Variants in HEXB observed in about 807,000 individuals in gnomAD.
HEXB encodes the protein hexosaminidase subunit beta.
In HEXB, 51 loss-of-function variants were observed where a neutral mutation model predicts 71.2. The ratio of observed to expected loss-of-function variants is 0.72; its 90% confidence interval spans 0.57 to 0.90. The LOEUF is 0.90. HEXB is among the 40% of genes least tolerant of loss of function. The pLI is 0.00. For synonymous variants in HEXB, 266 were observed against 249.3 expected (o/e 1.07, Z -0.63); for missense variants, 617 against 677.0 (o/e 0.91, Z 0.98).
At chr5:74,661,512 TCTGTGTGTG>T (rs1235473785) in intron 1 of HEXB, among the ~76,000 whole-genome samples, 4 of 23,478 alleles carry the variant, frequency 1.7e-4, no homozygotes, top group African/African-American at 3.4e-4. Context: ...TTTCTCTCTC[TCTGTGTGTG>T]TGTGTGTGTG....
intron 6 of HEXB, among the ~76,000 whole-genome samples, chr5:74,708,851 T>C (rs1391378908): frequency 2.0e-5 from 3 of 152,022 alleles, no homozygotes; most frequent in African/African-American, 7.3e-5. Flanking sequence ...TGGGAGACTT[T>C]AACACCCTAC....
chr5:74,661,513 C>CTGTGTGTGTG (rs1179218651), intron 1 of HEXB, among the ~76,000 whole-genome samples: 14 of 84,918 alleles, frequency 1.6e-4, no homozygotes, highest in African/African-American at 4.5e-4. Context: ...TTCTCTCTCT[C>CTGTGTGTGTG]TGTGTGTGTG....
At chr5:74,681,714 C>T (rs1400180453), upstream of HEXB, among the ~76,000 whole-genome samples, 1 of 152,212 alleles carries the variant, frequency 6.6e-6, no homozygotes, top group Non-Finnish European at 1.5e-5. Context: ...TCCAAATCTT[C>T]CTGAAACCAC....
At chr5:74,684,837 T>C (rs530103537), upstream of HEXB, among the ~76,000 whole-genome samples, 10 of 152,106 alleles carry the variant, frequency 6.6e-5, no homozygotes, top group East Asian at 1.9e-3. Flanking sequence ...GCCATCATGC[T>C]CGGCTAATTT....
At chr5:74,642,044 G>A (rs73113472) in intron 1 of HEXB, among the ~76,000 whole-genome samples, 5,246 of 152,140 alleles carry the variant, frequency 0.034, 289 homozygotes, top group African/African-American at 0.12. Context: ...GCGCAGGAGC[G>A]ATTTAAACTG....
intron 5 of HEXB, among the ~76,000 whole-genome samples, chr5:74,698,075 ATTAT>A (rs773436907): frequency 1.3e-5 from 2 of 150,924 alleles, no homozygotes; most frequent in African/African-American, 4.8e-5. Flanking sequence ...TATTATTATT[ATTAT>A]TTATTTATTT....
At chr5:74,713,694 T>C in intron 7 of HEXB, 59 bp downstream of exon 7, 1 of 1,427,086 alleles carries the variant, frequency 7.0e-7, no homozygotes, top group South Asian at 1.2e-5. Context: ...GATGGAGTCT[T>C]GTTCTGTCAC....
chr5:74,721,164 G>GAGAACATGTAAA lies in HEXB; in HGVS notation c.1662_*2dup. The GAGAACATGTAAA allele has an allele frequency of 1.2e-6, 2 of 1,613,000 alleles. No individual in the cohort carries two copies. Among genetic ancestry groups the GAGAACATGTAAA allele is most frequent in the Non-Finnish European group, 1.7e-6 (2 of 1,179,146 alleles). ...TCTTTATGCTGGATATTGTAACCAT[G>GAGAACATGTAAA]AGAACATGTAAAAAATGGAGGGGAA... On this transcript the variant is annotated stop_gained and inframe_insertion, in exon 14 of 14. Coordinates refer to ENST00000261416, the MANE Select transcript of HEXB (RefSeq NM_000521.4). LOFTEE classifies it high-confidence loss of function.
Position 74,715,659 on chromosome 5 carries a change from T to C in HEXB, c.1051T>C (p.Leu351=), listed in dbSNP as rs114661695. The change falls in exon 8 of 14, where the codon TTG becomes CTG. Residue 351 remains leucine, a synonymous_variant. Coordinates refer to ENST00000261416, the MANE Select transcript of HEXB (RefSeq NM_000521.4). ...SEVFPDQFIH[L]GGDEVEFKCW... is the part of the protein sequence containing the mutation. ...GGTGTTTCCAGATCAATTCATTCAT[T>C]TGGGAGGAGATGAAGTGGAATTTAA... 8.0e-3 allele frequency: 12,830 copies of C among 1,608,682 alleles called. 86 individuals are homozygous for C. The highest frequency in any genetic ancestry group is 0.019 in the Middle Eastern group (112 of 6,038).
chr5:74,684,674 C>CTTTTTTT (rs1191674612), upstream of HEXB, among the ~76,000 whole-genome samples: 3 of 133,898 alleles, frequency 2.2e-5, no homozygotes, highest in African/African-American at 5.9e-5. Context: ...TTTTTCTTTT[C>CTTTTTTT]TTTTTTTTTT....
At chr5:74,648,319 T>C (rs1368694956) in intron 1 of HEXB, among the ~76,000 whole-genome samples, 2 of 152,242 alleles carry the variant, frequency 1.3e-5, no homozygotes, top group African/African-American at 2.4e-5. Context: ...CTTCTGACTA[T>C]TGTATTAAAA....
chr5:74,718,313 A>AT lies in HEXB; in HGVS notation c.1193dup (p.Asn399LysfsTer12). On this transcript the variant is annotated frameshift_variant, in exon 10 of 14. Transcript: ENST00000261416. LOFTEE classifies it high-confidence loss of function. ...TAGGGTTTTGGATATTATTGCAACC[A>AT]TAAACAAGGGATCCATTGTCTGGCA... 1 of 1,611,378 alleles carries AT rather than the reference A, an allele frequency of 6.2e-7. No individual in the cohort carries two copies. The highest frequency in any genetic ancestry group is 1.1e-5 in the South Asian group (1 of 91,040).
intron 6 of HEXB, among the ~76,000 whole-genome samples, chr5:74,706,378 G>A (rs926350799): frequency 2.6e-5 from 4 of 152,232 alleles, no homozygotes; most frequent in Middle Eastern, 6.3e-3. Context: ...CACAGAAGAC[G>A]GGTGATTTCT....
intron 1 of HEXB, among the ~76,000 whole-genome samples, chr5:74,646,362 C>T (rs192439264): frequency 2.0e-5 from 3 of 152,264 alleles, no homozygotes; most frequent in Admixed American, 2.0e-4. Context: ...AAGGGACACA[C>T]TGGTGTCTTG....
At chr5:74,685,096 G>A, upstream of HEXB, 1 of 725,974 alleles carries the variant, frequency 1.4e-6, no homozygotes, top group Non-Finnish European at 2.1e-6. Flanking sequence ...GGGCGGGCTG[G>A]GCGAGGACGC....
chr5:74,682,958 A>T (rs1748766899), upstream of HEXB, among the ~76,000 whole-genome samples: 1 of 152,216 alleles, frequency 6.6e-6, no homozygotes, highest in Non-Finnish European at 1.5e-5. Context: ...AGGCTCAAAG[A>T]CCCAGGAAAA....
chr5:74,656,800 C>G (rs1427881752), intron 1 of HEXB, among the ~76,000 whole-genome samples: 2 of 152,168 alleles, frequency 1.3e-5, no homozygotes, highest in South Asian at 2.1e-4. Context: ...TTAGTGGAGA[C>G]GGGGTTTCAC....
chr5:74,689,732 G>A (rs1748954963), intron 2 of HEXB: 1 of 491,304 alleles, frequency 2.0e-6, no homozygotes, highest in Non-Finnish European at 3.6e-6. Context: ...TGTCATTTTA[G>A]GTGTATTTTT....
intron 1 of HEXB, among the ~76,000 whole-genome samples, chr5:74,669,926 T>A (rs1748501302): frequency 6.6e-6 from 1 of 152,190 alleles, no homozygotes; most frequent in Non-Finnish European, 1.5e-5. Context: ...GAACTTCCCA[T>A]GTGCAATACC....
Sources: gnomAD v4.1 joint callset for allele counts (sites outside exome capture counted in the v4.1 genomes callset) on GRCh38, gnomAD v4.1.1 for gene constraint, MANE v1.5 for transcripts, NCBI Gene and HGNC (gene_info 2026-07-23, HGNC 2026-07-21) for gene names.